SLC9A9: variants seen among roughly 807,000 people sequenced by gnomAD.
SLC9A9 encodes solute carrier family 9 member A9.
Under a neutral mutation model 77.8 loss-of-function variants are expected in SLC9A9, and 62 were observed. The observed-to-expected ratio is 0.80, with a 90% CI of 0.65 to 0.98. The LOEUF is 0.98. Ranked by LOEUF, SLC9A9 falls within the 50% of genes least tolerant of loss-of-function variation. The pLI is 0.00. For synonymous variants in SLC9A9, 320 were observed against 283.5 expected (o/e 1.13, Z -1.29); for missense variants, 775 against 774.9 (o/e 1.00, Z 0.00).
At chr3:143,692,741 C>A (rs11720752) in intron 5 of SLC9A9, among the ~76,000 whole-genome samples, 65,465 of 151,958 alleles carry the variant, frequency 0.43, 14,281 homozygotes, top group South Asian at 0.6. Context: ...TTTTGGGTTC[C>A]CTGCACCACA....
intron 12 of SLC9A9, among the ~76,000 whole-genome samples, chr3:143,397,632 A>T (rs1173147933): frequency 1.3e-5 from 2 of 152,088 alleles, no homozygotes; most frequent in Non-Finnish European, 2.9e-5. Flanking sequence ...GCTACGAGGA[A>T]CTCTAGGCAG....
chr3:143,405,469 G>A (rs765972574), intron 12 of SLC9A9, among the ~76,000 whole-genome samples: 4 of 152,190 alleles, frequency 2.6e-5, no homozygotes, highest in Non-Finnish European at 4.4e-5. Context: ...GGGAGAGGAG[G>A]TGATAGCCCC....
intron 4 of SLC9A9, among the ~76,000 whole-genome samples, chr3:143,748,791 C>A (rs1935263435): frequency 6.6e-6 from 1 of 150,428 alleles, no homozygotes; most frequent in Non-Finnish European, 1.5e-5. Flanking sequence ...GCAAGCTCCG[C>A]TTCCTGGGTT....
chr3:143,339,966 G>A (rs2032047863), intron 14 of SLC9A9, among the ~76,000 whole-genome samples: 1 of 152,142 alleles, frequency 6.6e-6, no homozygotes, highest in Admixed American at 6.5e-5. Flanking sequence ...AAGCAACCAA[G>A]TCAAAGACTA....
intron 11 of SLC9A9, among the ~76,000 whole-genome samples, chr3:143,484,843 T>C (rs755755267): frequency 3.3e-5 from 5 of 152,174 alleles, no homozygotes; most frequent in Non-Finnish European, 7.4e-5. Context: ...CCATGTCTCA[T>C]TGTTATTATT....
At chr3:143,741,025 G>A (rs1576694509) in intron 4 of SLC9A9, among the ~76,000 whole-genome samples, 1 of 152,264 alleles carries the variant, frequency 6.6e-6, no homozygotes, top group East Asian at 1.9e-4. Flanking sequence ...TATAGGTATA[G>A]CTGCTTACAT....
At chr3:143,461,008 G>A (rs1158667092) in intron 12 of SLC9A9, among the ~76,000 whole-genome samples, 1 of 152,156 alleles carries the variant, frequency 6.6e-6, no homozygotes, top group African/African-American at 2.4e-5. Context: ...TTTCATGAGA[G>A]AGCATATTTC....
chr3:143,605,202 A>G (rs912461966), intron 6 of SLC9A9, among the ~76,000 whole-genome samples: 10 of 151,828 alleles, frequency 6.6e-5, no homozygotes, highest in Admixed American at 2.0e-4. Flanking sequence ...AGTGTATTAA[A>G]GAAGTGCCTG....
chr3:143,541,403 A>C (rs530654076), intron 9 of SLC9A9, among the ~76,000 whole-genome samples: 1 of 152,208 alleles, frequency 6.6e-6, no homozygotes. Flanking sequence ...GGAAGCCCTG[A>C]TCAACAATTT....
chr3:143,340,734 A>G (rs145320832), intron 14 of SLC9A9, among the ~76,000 whole-genome samples: 52 of 152,294 alleles, frequency 3.4e-4, no homozygotes, highest in African/African-American at 1.2e-3. Flanking sequence ...ATATACTCAT[A>G]AAAGGTCTCC....
At chr3:143,592,536 T>A (rs545371360) in intron 6 of SLC9A9, among the ~76,000 whole-genome samples, 1 of 152,328 alleles carries the variant, frequency 6.6e-6, no homozygotes, top group Non-Finnish European at 1.5e-5. Flanking sequence ...ATTAAATTAA[T>A]GATAGATCAG....
At chr3:143,311,376 C>G (rs141268807) in intron 14 of SLC9A9, among the ~76,000 whole-genome samples, 1 of 152,306 alleles carries the variant, frequency 6.6e-6, no homozygotes, top group East Asian at 1.9e-4. Flanking sequence ...TAAGGAATGA[C>G]TTAAGGGCAT....
chr3:143,409,412 T>C (rs934979757), intron 12 of SLC9A9, among the ~76,000 whole-genome samples: 7 of 152,188 alleles, frequency 4.6e-5, no homozygotes, highest in Non-Finnish European at 7.3e-5. Context: ...GAATGAATGA[T>C]GGCTTAGCTG....
chr3:143,478,970 C>T (rs575433532), intron 11 of SLC9A9, among the ~76,000 whole-genome samples: 3 of 152,206 alleles, frequency 2.0e-5, no homozygotes, highest in Non-Finnish European at 4.4e-5. Context: ...TCCTAAAAAT[C>T]TAAATGTACA....
At chr3:143,705,039 CTATA>C (rs1553782488) in intron 4 of SLC9A9, among the ~76,000 whole-genome samples, 178 of 31,120 alleles carry the variant, frequency 5.7e-3, no homozygotes, top group African/African-American at 0.017. Flanking sequence ...ATCTATCTAT[CTATA>C]TAGATATAGA....
At chr3:143,345,608 T>A (rs1260527309) in intron 14 of SLC9A9, among the ~76,000 whole-genome samples, 4 of 152,144 alleles carry the variant, frequency 2.6e-5, no homozygotes, top group Admixed American at 2.6e-4. Context: ...ATAAAAATGA[T>A]GAGAGAGGTA....
At chr3:143,616,051 T>A (rs1207459453) in intron 6 of SLC9A9, among the ~76,000 whole-genome samples, 1 of 151,964 alleles carries the variant, frequency 6.6e-6, no homozygotes, top group Non-Finnish European at 1.5e-5. Flanking sequence ...CAGCTAATTT[T>A]TTTTGGTATT....
chr3:143,832,213 T>C lies in SLC9A9; in HGVS notation c.184A>G (p.Met62Val), dbSNP rs752171685. The change falls in exon 2 of 16, where the codon ATG (methionine) becomes GTG (valine). Residue 62 changes from methionine (M) to valine (V), a missense_variant. By Grantham distance (21) the Met-to-Val change is conservative (BLOSUM62 1). Transcript: ENST00000316549. Reference sequence around the variant, plus strand: ...GTAGCATATCGTAAAATTAGTCCCATTATAAGGCCTAAAAAAAAAAGAATA... The same window carrying C: ...GTAGCATATCGTAAAATTAGTCCCACTATAAGGCCTAAAAAAAAAAGAATA... ...TGGAMVYGLI[M>V]GLILRYATAP... 1 of 1,611,030 alleles carries C rather than the reference T, an allele frequency of 6.2e-7. No individual in the cohort carries two copies. Among genetic ancestry groups the C allele is most frequent in the Non-Finnish European group, 8.5e-7 (1 of 1,179,072 alleles).
chr3:143,540,197 A>G (rs2036664427), intron 9 of SLC9A9, among the ~76,000 whole-genome samples: 1 of 152,094 alleles, frequency 6.6e-6, no homozygotes, highest in Admixed American at 6.5e-5. Flanking sequence ...GATGGTGATA[A>G]AGAAGCAGAA....
Sources: allele counts gnomAD v4.1 joint callset (sites outside exome capture counted in the v4.1 genomes callset), GRCh38; gene constraint gnomAD v4.1.1; transcripts MANE v1.5; gene names NCBI Gene and HGNC (gene_info 2026-07-23, HGNC 2026-07-21).